Variants in WDR11 observed in about 807,000 individuals in gnomAD.
WDR11 encodes WD repeat domain 11.
WDR11 carries 83 observed loss-of-function variants against 151.2 expected under a neutral mutation model. The ratio of observed to expected loss-of-function variants is 0.55; its 90% CI spans 0.46 to 0.66. The LOEUF (loss-of-function observed/expected upper bound fraction) is 0.66, where lower values mean the gene tolerates loss of function less well. Ranked by LOEUF, WDR11 falls within the 30% of genes least tolerant of loss-of-function variation. WDR11 has a pLI of 0.00. For missense variants in WDR11, 1,301 were observed against 1,480.9 expected, an observed-to-expected ratio of 0.88 and a Z score of 1.99; for synonymous variants, 484 against 533.1, an observed-to-expected ratio of 0.91 and a Z score of 1.27.
Position 120,866,622 on chromosome 10 carries a change from A to G in WDR11, c.1048A>G (p.Ile350Val), listed in dbSNP as rs1846321149. Reference sequence around the variant, plus strand: ...TGATTTACGAAGCCAGTGTGATGCAATCAGGGTGACAAAAACCGTCCGTCC... The same window carrying G: ...TGATTTACGAAGCCAGTGTGATGCAGTCAGGGTGACAAAAACCGTCCGTCC... ...TYDLRSQCDA[I>V]RVTKTVRPFS... is the part of the protein sequence containing the mutation. Residue 350 changes from isoleucine (I) to valine (V), a missense_variant, in exon 8 of 29, where the codon ATC (isoleucine) becomes GTC (valine). Physicochemically the swap from Ile to Val is conservative, Grantham distance 29. Coordinates refer to ENST00000263461, the MANE Select transcript of WDR11 (RefSeq NM_018117.12). The G allele has an allele frequency of 1.2e-6, 2 of 1,614,230 alleles. No individual in the cohort carries two copies. The highest frequency in any genetic ancestry group is 1.7e-5 in the Admixed American group (1 of 60,030).
chr10:120,872,782 A>G (rs984833030), intron 10 of WDR11, among the ~76,000 whole-genome samples: 3 of 152,166 alleles, frequency 2.0e-5, no homozygotes, highest in Non-Finnish European at 2.9e-5. Flanking sequence ...GCCAAAAGGT[A>G]TTATTATGAA....
At chr10:120,851,543 CAGGAATGTGTGA>C in intron 1 of WDR11, 37 bp downstream of exon 1, 1 of 1,596,576 alleles carries the variant, frequency 6.3e-7, no homozygotes, top group Non-Finnish European at 8.5e-7. Flanking sequence ...CAGGATCGGC[CAGGAATGTGTGA>C]GGGGGAAGGG....
chr10:120,888,252 A>G (rs1447570048), intron 16 of WDR11, among the ~76,000 whole-genome samples: 1 of 152,236 alleles, frequency 6.6e-6, no homozygotes, highest in Non-Finnish European at 1.5e-5. Context: ...GCCTTTATAA[A>G]TTTATTAATA....
intron 19 of WDR11, among the ~76,000 whole-genome samples, chr10:120,894,177 T>A (rs1490238652): frequency 6.6e-6 from 1 of 152,150 alleles, no homozygotes; most frequent in African/African-American, 2.4e-5. Flanking sequence ...TAATCCATCT[T>A]GAATGAATTT....
rs375116471 is a variant in WDR11 at position 120,885,883 on chromosome 10, C to A, written c.1918C>A (p.Arg640Ser). 1.2e-6 allele frequency: 2 copies of A among 1,613,794 alleles called. No homozygotes were observed. The highest frequency in any genetic ancestry group is 1.7e-5 in the Admixed American group (1 of 59,998). The change falls in exon 15 of 29, where the codon CGC (arginine) becomes AGC (serine). Residue 640 changes from arginine to serine, a missense_variant. Around this residue, in one of 3 missense-constraint regions of WDR11, gnomAD observed 20 missense variants for 47.8 expected, o/e 0.42. Coordinates refer to ENST00000263461, the MANE Select transcript of WDR11 (RefSeq NM_018117.12). ...ACTTGCAACTCGAGAGGCCATGGCC[C>A]GCCAGACCGTAGTCTCAGACACAGA... is the stretch of plus-strand genomic sequence containing the variant. ...KQLATREAMA[R>S]QTVVSDTELS...
intron 19 of WDR11, among the ~76,000 whole-genome samples, chr10:120,891,479 T>C (rs1050608431): frequency 1.6e-4 from 24 of 151,818 alleles, no homozygotes; most frequent in African/African-American, 5.8e-4. Context: ...AAAAAAAGAA[T>C]GGGACAATTG....
At chr10:120,860,890 C>A (rs1055466409) in intron 4 of WDR11, among the ~76,000 whole-genome samples, 3 of 152,218 alleles carry the variant, frequency 2.0e-5, no homozygotes, top group Non-Finnish European at 4.4e-5. Flanking sequence ...GCTATTGCTA[C>A]TCTTCTGGGA....
intron 2 of WDR11, among the ~76,000 whole-genome samples, chr10:120,855,771 T>A (rs1179242326): frequency 6.6e-6 from 1 of 152,106 alleles, no homozygotes; most frequent in Non-Finnish European, 1.5e-5. Flanking sequence ...TTTGGGTAAA[T>A]TTTTTTTAAG....
chr10:120,880,952 G>A (rs117012713), intron 13 of WDR11, 51 bp downstream of exon 13: 127 of 1,510,408 alleles, frequency 8.4e-5, no homozygotes, highest in Non-Finnish European at 1.1e-4. Flanking sequence ...ATGAAATCTC[G>A]TGGATTTTTT....
At position 120,878,413 on chromosome 10, in the gene WDR11, T is replaced by C. The variant is rs142271342; in HGVS notation, c.1617T>C (p.Asn539=). The C allele has an allele frequency of 1.4e-5, 22 of 1,613,182 alleles. No individual in the cohort carries two copies. The African/African-American group carries it at 2.7e-4, about 20-fold the overall frequency. The change falls in exon 12 of 29, where the codon AAT becomes AAC. Residue 539 remains asparagine, a synonymous_variant. Coordinates refer to ENST00000263461, the MANE Select transcript of WDR11 (RefSeq NM_018117.12). The part of the protein sequence containing the change: ...FLSFATSTPN[N]MGLVRNELQL... ...CTTTTGCTACCTCAACACCAAACAA[T>C]ATGGGATTAGTGAGAAATGAACTTC...
Position 120,857,133 on chromosome 10 carries a change from AG to A in WDR11, c.199-1509del, listed in dbSNP as rs563270605. Among the ~76,000 whole-genome samples the A allele has an allele frequency of 3.9e-5, 6 of 152,336 alleles. No individual in the cohort carries two copies. The East Asian group carries it at 1.2e-3, about 29-fold the overall frequency. On this transcript the variant is annotated intron_variant, in intron 2 of 28. Transcript: ENST00000263461. ...AGACACATCACAACTTCTCATACTT[AG>A]AAACGGTAGGCAGTATGCTTGGGGA...
Position 120,901,223 on chromosome 10 carries a change from C to T in WDR11, c.2687+125C>T, listed in dbSNP as rs534849989. The T allele has an allele frequency of 2.4e-4, 204 of 845,266 alleles. 2 individuals carry two copies. The highest frequency in any genetic ancestry group is 2.0e-3 in the South Asian group (136 of 67,164). The allele number at this position is 845,266 out of a possible 1,614,324, so 52.4% of individuals were successfully genotyped here. On this transcript the variant is annotated intron_variant, in intron 21 of 28. Transcript: ENST00000263461. ...AAATATTAGTGGCCCAAGAAGAGAC[C>T]ATTCTGTTTAGAGGTTTGCTTCCCG...
chr10:120,878,959 C>T (rs907530507), intron 12 of WDR11: 6 of 152,092 alleles, frequency 3.9e-5, no homozygotes, highest in African/African-American at 1.5e-4. Flanking sequence ...AGGAAACGTC[C>T]CAATAAGGTA....
chr10:120,884,147 TTA>T (rs1010288699), intron 14 of WDR11, among the ~76,000 whole-genome samples: 1 of 152,152 alleles, frequency 6.6e-6, no homozygotes, highest in Non-Finnish European at 1.5e-5. Context: ...TCAAAAATGT[TTA>T]TGAAAGAATA....
intron 28 of WDR11, among the ~76,000 whole-genome samples, chr10:120,907,091 AGGACT>A (rs1848081991): frequency 6.6e-6 from 1 of 152,206 alleles, no homozygotes; most frequent in Non-Finnish European, 1.5e-5. Flanking sequence ...GGAGGCAGGA[AGGACT>A]ATAGAGGACA....
intron 12 of WDR11, chr10:120,878,978 A>G (rs1846903203): frequency 6.6e-6 from 1 of 152,438 alleles, no homozygotes; most frequent in African/African-American, 2.4e-5. Flanking sequence ...TAACTTTTTC[A>G]GAATTGAAAG....
At chr10:120,874,708 G>C (rs1043090933) in intron 11 of WDR11, among the ~76,000 whole-genome samples, 1 of 151,872 alleles carries the variant, frequency 6.6e-6, no homozygotes, top group Non-Finnish European at 1.5e-5. Context: ...ATGGCTTCCA[G>C]CTCCATCCAT....
chr10:120,884,431 T>C (rs1847143150), intron 14 of WDR11, among the ~76,000 whole-genome samples: 1 of 152,070 alleles, frequency 6.6e-6, no homozygotes, highest in African/African-American at 2.4e-5. Flanking sequence ...GAAAACTGTC[T>C]CACTTTATGG....
chr10:120,882,555 T>TTTTTTTTTTC (rs1847054068), intron 13 of WDR11, among the ~76,000 whole-genome samples: 3 of 151,708 alleles, frequency 2.0e-5, no homozygotes, highest in African/African-American at 7.3e-5. Context: ...TTTTTTTTTT[T>TTTTTTTTTTC]CATAAATATA....
Sources: allele counts gnomAD v4.1 joint callset (sites outside exome capture counted in the v4.1 genomes callset), GRCh38; gene constraint gnomAD v4.1.1; regional missense constraint gnomAD v4.1.1; transcripts MANE v1.5; gene names NCBI Gene and HGNC (gene_info 2026-07-23, HGNC 2026-07-21).